EPB41L4A: variants seen among roughly 807,000 people sequenced by gnomAD.
EPB41L4A encodes band 4.1-like protein 4A.
A neutral mutation model predicts 108.6 loss-of-function variants in EPB41L4A; 100 were observed. The ratio of observed to expected loss-of-function variants is 0.92; its 90% CI spans 0.78 to 1.09. The LOEUF is 1.09. EPB41L4A is among the 50% of genes least tolerant of loss of function. The pLI is 0.00. For missense variants in EPB41L4A, 1,030 were observed against 842.7 expected (o/e 1.22, Z -2.75); for synonymous variants, 319 against 289.0 (o/e 1.10, Z -1.05).
chr5:112,249,916 ATTTG>A (rs1196006683), intron 9 of EPB41L4A, among the ~76,000 whole-genome samples: 1 of 152,148 alleles, frequency 6.6e-6, no homozygotes, highest in Non-Finnish European at 1.5e-5. Flanking sequence ...GTTCTAATTT[ATTTG>A]ATCAAAGAAC....
At chr5:112,331,257 G>A (rs939073912) in intron 1 of EPB41L4A, among the ~76,000 whole-genome samples, 1 of 152,172 alleles carries the variant, frequency 6.6e-6, no homozygotes, top group African/African-American at 2.4e-5. Flanking sequence ...ACCCGGTCCA[G>A]AACTGGTGCC....
chr5:112,291,879 C>T (rs1024191202), intron 2 of EPB41L4A, among the ~76,000 whole-genome samples: 8 of 152,202 alleles, frequency 5.3e-5, no homozygotes, highest in South Asian at 2.1e-4. Flanking sequence ...TTGTAAGCTG[C>T]TCTAGCAAAT....
intron 2 of EPB41L4A, among the ~76,000 whole-genome samples, chr5:112,285,811 C>A (rs1753242065): frequency 6.6e-6 from 1 of 152,146 alleles, no homozygotes; most frequent in South Asian, 2.1e-4. Context: ...TAAATGTTTG[C>A]AATGTGACAG....
chr5:112,418,418 T>C (rs1409774554), intron 1 of EPB41L4A, among the ~76,000 whole-genome samples: 3 of 152,172 alleles, frequency 2.0e-5, no homozygotes, highest in Non-Finnish European at 4.4e-5. Context: ...CAGGTCGCTG[T>C]AGAAAGGGAA....
chr5:112,346,722 G>C (rs1757701502), intron 1 of EPB41L4A, among the ~76,000 whole-genome samples: 1 of 152,172 alleles, frequency 6.6e-6, no homozygotes, highest in Non-Finnish European at 1.5e-5. Context: ...TCAACCCTTT[G>C]TAATGTTGTT....
At chr5:112,271,751 A>C (rs1752273520) in intron 4 of EPB41L4A, among the ~76,000 whole-genome samples, 1 of 152,270 alleles carries the variant, frequency 6.6e-6, no homozygotes, top group Non-Finnish European at 1.5e-5. Flanking sequence ...AATAAAGAAT[A>C]GAGAGATCAG....
At chr5:112,155,154 G>C (rs1449551769) in intron 12 of EPB41L4A, among the ~76,000 whole-genome samples, 1 of 151,958 alleles carries the variant, frequency 6.6e-6, no homozygotes, top group Admixed American at 6.6e-5. Context: ...AAAACTTTCA[G>C]GTAAGAGAAA....
At chr5:112,389,435 CTTT>C (rs1323609443) in intron 1 of EPB41L4A, among the ~76,000 whole-genome samples, 2 of 152,134 alleles carry the variant, frequency 1.3e-5, no homozygotes, top group African/African-American at 2.4e-5. Context: ...GTTATCTGAC[CTTT>C]TCAGAAATCA....
intron 1 of EPB41L4A, among the ~76,000 whole-genome samples, chr5:112,379,184 C>A (rs912063349): frequency 6.6e-6 from 1 of 152,252 alleles, no homozygotes; most frequent in Non-Finnish European, 1.5e-5. Context: ...GGCAGAAAAG[C>A]ATATACATGT....
Position 112,259,241 on chromosome 5 carries a change from T to C in EPB41L4A, c.783A>G (p.Val261=), listed in dbSNP as rs2150435801. ...HFKETQFELR[V]LGKDCNETSF... is the part of the protein sequence containing the mutation. The stretch of plus-strand genomic sequence containing the variant: ...CTTGGAAACTTACATCTTTTCCCAG[T>C]ACTCTGAGTTCAAATTGAGTCTCCT... Residue 261 remains valine, a synonymous_variant, in exon 9 of 23, where the codon GTA becomes GTG. Transcript: ENST00000261486. The C allele has an allele frequency of 6.2e-7, 1 of 1,613,634 alleles. No homozygotes were observed. Among genetic ancestry groups the C allele is most frequent in the East Asian group, 2.2e-5 (1 of 44,872 alleles).
chr5:112,262,633 T>C (rs754989513), intron 6 of EPB41L4A, 52 bp from the exon 7 acceptor site: 2 of 1,395,834 alleles, frequency 1.4e-6, no homozygotes, highest in South Asian at 2.4e-5. Flanking sequence ...CTACTGCACT[T>C]ACAGGGATGC....
intron 1 of EPB41L4A, among the ~76,000 whole-genome samples, chr5:112,312,119 T>A (rs903227899): frequency 3.3e-5 from 5 of 152,210 alleles, no homozygotes; most frequent in African/African-American, 1.2e-4. Context: ...ATAAAGATAA[T>A]AGATTTATAA....
chr5:112,273,185 C>T (rs998077385), intron 4 of EPB41L4A, among the ~76,000 whole-genome samples: 1 of 152,118 alleles, frequency 6.6e-6, no homozygotes, highest in African/African-American at 2.4e-5. Context: ...ATGTATTAAA[C>T]GCACATTTAA....
chr5:112,208,244 CAAAAA>C (rs68152475), intron 13 of EPB41L4A, among the ~76,000 whole-genome samples: 2 of 85,110 alleles, frequency 2.3e-5, no homozygotes, highest in Admixed American at 1.6e-4. Flanking sequence ...GACTCCATCT[CAAAAA>C]AAAAAAAAAA....
chr5:112,209,852 C>G, intron 13 of EPB41L4A, 40 bp downstream of exon 13: 4 of 1,257,458 alleles, frequency 3.2e-6, no homozygotes, highest in African/African-American at 3.0e-5. Flanking sequence ...ATTTTTACAA[C>G]AGCATATAAT....
intron 1 of EPB41L4A, among the ~76,000 whole-genome samples, chr5:112,379,377 T>C (rs1046607368): frequency 5.9e-5 from 9 of 152,104 alleles, no homozygotes; most frequent in African/African-American, 2.2e-4. Flanking sequence ...GAGTATAACA[T>C]CAAAATACTT....
chr5:112,280,357 T>A, intron 2 of EPB41L4A, 34 bp from the exon 3 acceptor site: 1 of 1,591,208 alleles, frequency 6.3e-7, no homozygotes, highest in Non-Finnish European at 8.6e-7. Flanking sequence ...TTAAAGAAAT[T>A]AGTTGCTTTT....
chr5:112,190,524 A>G (rs1406778401), intron 17 of EPB41L4A, among the ~76,000 whole-genome samples: 2 of 152,230 alleles, frequency 1.3e-5, no homozygotes, highest in Non-Finnish European at 2.9e-5. Flanking sequence ...AATGAAACAT[A>G]GGACCAAAAG....
intron 2 of EPB41L4A, among the ~76,000 whole-genome samples, chr5:112,288,932 T>C (rs981936090): frequency 1.3e-5 from 2 of 151,802 alleles, no homozygotes; most frequent in Admixed American, 6.6e-5. Context: ...TATCTTAAGC[T>C]CAAGTCCCAT....
Sources: allele counts gnomAD v4.1 joint callset (sites outside exome capture counted in the v4.1 genomes callset), GRCh38; gene constraint gnomAD v4.1.1; transcripts MANE v1.5; gene names NCBI Gene and HGNC (gene_info 2026-07-23, HGNC 2026-07-21).